CDYL2: variants seen among roughly 807,000 people sequenced by gnomAD.
CDYL2 encodes chromodomain Y like 2.
In CDYL2, 23 loss-of-function variants were observed where a neutral mutation model predicts 49.4. That is an observed-to-expected ratio of 0.47 (90% CI 0.34 to 0.66). CDYL2 has a LOEUF of 0.66. CDYL2 is among the 30% of genes least tolerant of loss of function. CDYL2 has a pLI of 0.01. For missense variants in CDYL2, 678 were observed against 656.4 expected, an observed-to-expected ratio of 1.03 and a Z score of -0.36; for synonymous variants, 360 against 268.8, an observed-to-expected ratio of 1.34 and a Z score of -3.32.
At chr16:80,707,037 G>A (rs1374690469) in intron 1 of CDYL2, among the ~76,000 whole-genome samples, 3 of 152,188 alleles carry the variant, frequency 2.0e-5, no homozygotes, top group African/African-American at 4.8e-5. Flanking sequence ...TCGCCTCAGA[G>A]CATGGGGGTG....
chr16:80,791,175 T>C (rs1296903935), intron 1 of CDYL2, among the ~76,000 whole-genome samples: 2 of 152,174 alleles, frequency 1.3e-5, no homozygotes, highest in Non-Finnish European at 2.9e-5. Context: ...TTCGGTGAGT[T>C]TGGCTTATAG....
chr16:80,668,749 A>G (rs1324991169), intron 2 of CDYL2, among the ~76,000 whole-genome samples: 1 of 151,948 alleles, frequency 6.6e-6, no homozygotes, highest in East Asian at 1.9e-4. Context: ...AAATACAAAA[A>G]TTAGCCAGGC....
intron 5 of CDYL2, 44 bp from the exon 6 acceptor site, chr16:80,608,279 AC>A (rs918201160): frequency 1.3e-6 from 2 of 1,512,048 alleles, no homozygotes; most frequent in African/African-American, 2.8e-5. Context: ...CTGGAGGTCC[AC>A]CCATGTCCCT....
At chr16:80,667,391 G>C (rs999930478) in intron 2 of CDYL2, among the ~76,000 whole-genome samples, 1 of 152,166 alleles carries the variant, frequency 6.6e-6, no homozygotes, top group African/African-American at 2.4e-5. Context: ...CCTTGTACAT[G>C]CTGTCATCAC....
At chr16:80,757,838 A>G (rs945662401) in intron 1 of CDYL2, among the ~76,000 whole-genome samples, 2 of 152,038 alleles carry the variant, frequency 1.3e-5, no homozygotes, top group African/African-American at 2.4e-5. Context: ...CAATTGGCCT[A>G]TTATAAATGA....
At chr16:80,774,877 G>C (rs568209250) in intron 1 of CDYL2, among the ~76,000 whole-genome samples, 6 of 148,988 alleles carry the variant, frequency 4.0e-5, no homozygotes, top group African/African-American at 1.3e-4. Flanking sequence ...AAAAGGCATA[G>C]AAACTGACTG....
intron 1 of CDYL2, among the ~76,000 whole-genome samples, chr16:80,755,120 A>G (rs1020533484): frequency 6.6e-6 from 1 of 152,106 alleles, no homozygotes; most frequent in African/African-American, 2.4e-5. Context: ...TGGTTTCCTC[A>G]TCCACATCCT....
intron 1 of CDYL2, among the ~76,000 whole-genome samples, chr16:80,772,490 T>C (rs185720472): frequency 1.5e-3 from 227 of 152,364 alleles, no homozygotes; most frequent in Middle Eastern, 6.8e-3. Flanking sequence ...TCTCCCTCTG[T>C]AGACCACGCT....
At chr16:80,724,818 G>A (rs1370636578) in intron 1 of CDYL2, among the ~76,000 whole-genome samples, 1 of 152,174 alleles carries the variant, frequency 6.6e-6, no homozygotes, top group South Asian at 2.1e-4. Flanking sequence ...CCAGACCTTT[G>A]TGGCAGCTTC....
chr16:80,738,245 T>G (rs1905608332), intron 1 of CDYL2, among the ~76,000 whole-genome samples: 1 of 152,198 alleles, frequency 6.6e-6, no homozygotes, highest in African/African-American at 2.4e-5. Flanking sequence ...ATGTGCCACA[T>G]TTTCTTTATC....
chr16:80,739,946 T>C (rs144810620), intron 1 of CDYL2, among the ~76,000 whole-genome samples: 62 of 152,296 alleles, frequency 4.1e-4, no homozygotes, highest in South Asian at 1.7e-3. Flanking sequence ...CGTACATTGA[T>C]GCCCAGGATG....
At chr16:80,617,099 A>G (rs1276476629) in intron 4 of CDYL2, among the ~76,000 whole-genome samples, 2 of 152,250 alleles carry the variant, frequency 1.3e-5, no homozygotes, top group African/African-American at 4.8e-5. Flanking sequence ...TTCAGGATGG[A>G]TCCTGGAGAG....
Position 80,602,235 on chromosome 16 carries a change from A to T in CDYL2, c.*2153T>A, listed in dbSNP as rs114904188. The T allele has an allele frequency of 4.6e-3, 707 of 152,342 alleles. 6 individuals carry two copies. Among genetic ancestry groups the T allele is most frequent in the African/African-American group, 0.016 (684 of 41,568 alleles). The allele number at this position is 152,342 out of a possible 1,614,324, so 9.4% of individuals were successfully genotyped here. ...GCTGTGACAACAGGCATTTGGGCAA[A>T]AGCAGGTGTCTCCCTATAGTAACTC... On this transcript the variant is annotated 3_prime_UTR_variant, in exon 7 of 7. Transcript: ENST00000570137.
At chr16:80,691,844 C>A (rs767985808) in intron 1 of CDYL2, among the ~76,000 whole-genome samples, 1 of 151,866 alleles carries the variant, frequency 6.6e-6, no homozygotes, top group Non-Finnish European at 1.5e-5. Context: ...ATGAAAAAAA[C>A]GATTCATTTA....
intron 2 of CDYL2, among the ~76,000 whole-genome samples, chr16:80,681,978 C>A (rs1909984159): frequency 2.0e-5 from 3 of 152,314 alleles, no homozygotes; most frequent in Admixed American, 1.3e-4. Flanking sequence ...CAAGGTCCCA[C>A]CCCCCACACA....
At chr16:80,793,327 T>G (rs1032986416) in intron 1 of CDYL2, among the ~76,000 whole-genome samples, 7 of 152,242 alleles carry the variant, frequency 4.6e-5, no homozygotes, top group African/African-American at 1.7e-4. Flanking sequence ...TAACCTGTGA[T>G]GAGGGACAAT....
intron 1 of CDYL2, among the ~76,000 whole-genome samples, chr16:80,791,744 T>C (rs1907616850): frequency 6.6e-6 from 1 of 152,118 alleles, no homozygotes; most frequent in African/African-American, 2.4e-5. Context: ...ATACATGCTG[T>C]AACCAGAGAA....
intron 2 of CDYL2, among the ~76,000 whole-genome samples, chr16:80,661,198 A>T (rs142945992): frequency 6.6e-6 from 1 of 152,090 alleles, no homozygotes; most frequent in East Asian, 1.9e-4. Context: ...AAAAGTTTAG[A>T]CAGATCGCTG....
At chr16:80,639,429 C>T (rs1463125104) in intron 2 of CDYL2, among the ~76,000 whole-genome samples, 1 of 152,114 alleles carries the variant, frequency 6.6e-6, no homozygotes, top group East Asian at 1.9e-4. Context: ...ATTCAAAGCA[C>T]CAAAAATTGG....
Sources: allele counts gnomAD v4.1 joint callset (sites outside exome capture counted in the v4.1 genomes callset), GRCh38; gene constraint gnomAD v4.1.1; transcripts MANE v1.5; gene names NCBI Gene and HGNC (gene_info 2026-07-23, HGNC 2026-07-21).